The following R3HDM2 variants were observed in gnomAD, a reference collection of about 807,000 sequenced individuals.
The protein encoded by R3HDM2 is R3H domain containing 2, also known as R3H domain-containing protein 2.
In R3HDM2, 38 loss-of-function variants were observed where a neutral mutation model predicts 124.5. That is an observed-to-expected ratio of 0.31 (90% CI 0.24 to 0.40). The LOEUF (loss-of-function observed/expected upper bound fraction) is 0.40. Ranked by LOEUF, R3HDM2 falls within the 10% of genes least tolerant of loss-of-function variation. The probability of loss-of-function intolerance (pLI) is 1.00; values close to 1 mark genes in which losing one functional copy is unlikely to be tolerated. For synonymous variants in R3HDM2, 391 were observed against 448.0 expected (o/e 0.87, Z 1.61); for missense variants, 869 against 1,236.9 (o/e 0.70, Z 4.46).
intron 1 of R3HDM2, among the ~76,000 whole-genome samples, chr12:57,404,221 C>A (rs1412890978): frequency 4.6e-5 from 7 of 151,290 alleles, no homozygotes; most frequent in Non-Finnish European, 8.8e-5. Flanking sequence ...TGCGCCACAA[C>A]GCCCAGCTAA....
intron 1 of R3HDM2, among the ~76,000 whole-genome samples, chr12:57,424,346 G>A (rs2070504636): frequency 1.3e-5 from 2 of 151,882 alleles, no homozygotes; most frequent in Non-Finnish European, 2.9e-5. Context: ...ATTTTTAGCA[G>A]AGATGGGGTT....
chr12:57,402,027 G>C (rs992083469), intron 1 of R3HDM2, among the ~76,000 whole-genome samples: 13 of 151,556 alleles, frequency 8.6e-5, no homozygotes, highest in African/African-American at 3.2e-4. Flanking sequence ...AGACACAGTG[G>C]CTTACACCTG....
intron 2 of R3HDM2, among the ~76,000 whole-genome samples, chr12:57,392,307 T>C (rs975479981): frequency 3.9e-5 from 6 of 152,320 alleles, no homozygotes; most frequent in South Asian, 2.1e-4. Context: ...AAATTTTCCA[T>C]GGACAGTAAG....
At chr12:57,285,912 T>C (rs1208925695) in intron 12 of R3HDM2, among the ~76,000 whole-genome samples, 1 of 152,220 alleles carries the variant, frequency 6.6e-6, no homozygotes, top group Non-Finnish European at 1.5e-5. Flanking sequence ...ACTTCTATAC[T>C]AATCCAGTTT....
intron 2 of R3HDM2, among the ~76,000 whole-genome samples, chr12:57,359,720 C>T (rs935249414): frequency 1.3e-4 from 19 of 151,962 alleles, no homozygotes; most frequent in Admixed American, 5.3e-4. Context: ...TTAAATCGAC[C>T]ACACTTGTCC....
At chr12:57,404,310 C>T (rs1286347426) in intron 1 of R3HDM2, among the ~76,000 whole-genome samples, 1 of 150,502 alleles carries the variant, frequency 6.6e-6, no homozygotes, top group African/African-American at 2.4e-5. Context: ...GTGATCCACC[C>T]GCCTCAGCCT....
chr12:57,356,551 T>C lies in R3HDM2; in HGVS notation c.-36+39198A>G, dbSNP rs185980054. Among the ~76,000 whole-genome samples the C allele has an allele frequency of 5.9e-5, 9 of 152,346 alleles. No individual in the cohort carries two copies. In the East Asian group the frequency reaches 1.7e-3, roughly 29 times the overall value. On this transcript the variant is annotated intron_variant, in intron 2 of 23. Coordinates refer to ENST00000402412, the MANE Select transcript of R3HDM2 (RefSeq NM_001394031.1). ...CAAGAAAATTTGGTCTGTAGTTTTC[T>C]TATATCTTTATCTGGTTTTGGAATC...
At chr12:57,397,841 C>A (rs2067699952) in intron 1 of R3HDM2, among the ~76,000 whole-genome samples, 1 of 152,168 alleles carries the variant, frequency 6.6e-6, no homozygotes, top group African/African-American at 2.4e-5. Context: ...TCAAGAGCAA[C>A]ATAATTTTGA....
intron 2 of R3HDM2, among the ~76,000 whole-genome samples, chr12:57,355,897 T>C (rs1193899694): frequency 6.6e-6 from 1 of 152,222 alleles, no homozygotes; most frequent in African/African-American, 2.4e-5. Context: ...CCTGCTAGCA[T>C]ATAAACATAT....
intron 1 of R3HDM2, among the ~76,000 whole-genome samples, chr12:57,427,332 C>A: frequency 7.6e-6 from 1 of 132,050 alleles, no homozygotes. Context: ...ATAAATAAAA[C>A]AAAAATGCCT....
intron 2 of R3HDM2, among the ~76,000 whole-genome samples, chr12:57,361,365 A>G (rs375969649): frequency 7.5e-6 from 1 of 133,298 alleles, no homozygotes. Flanking sequence ...TCAAGAACGA[A>G]ACTCTGTCTC....
In R3HDM2 at chr12:57,296,262, C is replaced by T. The variant is rs2049858443; in HGVS notation, c.701+149G>A. On this transcript the variant is annotated intron_variant, in intron 9 of 23. Coordinates refer to ENST00000402412, the MANE Select transcript of R3HDM2 (RefSeq NM_001394031.1). This position sits in a 1 kb window ranked among gnomAD's most constrained non-coding sequence, Gnocchi z 4.5. ...CGAACTCCTGGCTTCAAGCAGTCTTCCCATCTTGGCCTCCCAAAGTGCTGG... is the reference window on the plus strand; with the variant it reads ...CGAACTCCTGGCTTCAAGCAGTCTTTCCATCTTGGCCTCCCAAAGTGCTGG... The T allele has an allele frequency of 3.6e-6, 3 of 831,790 alleles. No individual in the cohort carries two copies. The highest frequency in any genetic ancestry group is 5.6e-6 in the Non-Finnish European group (3 of 538,556). 51.5% of individuals were successfully genotyped at this position (831,790 alleles called of 1,614,324 possible). A position where few individuals can be genotyped will look rare whatever the true frequency, so the allele number is the denominator to read the frequency against.
chr12:57,268,528 A>G, intron 17 of R3HDM2, 71 bp from the exon 18 acceptor site: 2 of 1,496,976 alleles, frequency 1.3e-6, no homozygotes, highest in Non-Finnish European at 1.8e-6. Flanking sequence ...CAGCCTAGTC[A>G]TCACGAGATC....
intron 2 of R3HDM2, among the ~76,000 whole-genome samples, chr12:57,371,113 T>TTTTTTTTTAA (rs71084748): frequency 9.8e-6 from 1 of 101,850 alleles, no homozygotes; most frequent in African/African-American, 3.5e-5. Flanking sequence ...TTTTTTTTTT[T>TTTTTTTTTAA]AAGATACACA....
intron 2 of R3HDM2, among the ~76,000 whole-genome samples, chr12:57,336,893 T>C (rs2058922045): frequency 6.6e-6 from 1 of 152,082 alleles, no homozygotes; most frequent in African/African-American, 2.4e-5. Context: ...ATGTTTACAT[T>C]ACAAAATTGT....
chr12:57,313,401 T>C (rs948748838), intron 2 of R3HDM2, among the ~76,000 whole-genome samples: 1 of 151,292 alleles, frequency 6.6e-6, no homozygotes, highest in South Asian at 2.1e-4. Context: ...CTCTACAAAA[T>C]TTTTTTTAAA....
Position 57,269,821 on chromosome 12 carries a change from G to A in R3HDM2, c.1518C>T (p.Ser506=). The A allele has an allele frequency of 1.2e-6, 2 of 1,614,158 alleles. No homozygotes were observed. Among genetic ancestry groups the A allele is most frequent in the East Asian group, 2.2e-5 (1 of 44,886 alleles). Residue 506 remains serine, a synonymous_variant, in exon 15 of 24, where the codon TCC becomes TCT. Coordinates refer to ENST00000402412, the MANE Select transcript of R3HDM2 (RefSeq NM_001394031.1). The part of the protein sequence containing the change: ...TGQPLPTSNY[S]TSSHAPPTQQ... ...GAGTAGGTGGTGCATGGCTAGAGGTGGAATAGTTGGAAGTGGGGAGGGGCT... is the reference window on the plus strand; with the variant it reads ...GAGTAGGTGGTGCATGGCTAGAGGTAGAATAGTTGGAAGTGGGGAGGGGCT...
At chr12:57,424,531 T>A (rs2070529819) in intron 1 of R3HDM2, among the ~76,000 whole-genome samples, 1 of 152,202 alleles carries the variant, frequency 6.6e-6, no homozygotes. Flanking sequence ...CCTAGTCTTC[T>A]GTTATTAATC....
rs534414742 is a variant in R3HDM2 at position 57,268,842 on chromosome 12, A to C, written c.1875+80T>G. On this transcript the variant is annotated intron_variant, in intron 17 of 23. Transcript: ENST00000402412. The stretch of plus-strand genomic sequence containing the variant: ...ACACTATTTTAGTATTGGAGTTTTT[A>C]GTATGGATGACCCTGGGAGGCTCTC... 2.7e-6 allele frequency: 4 copies of C among 1,491,822 alleles called. No homozygotes were observed. In the African/African-American group the frequency reaches 4.2e-5, roughly 16 times the overall value. The allele number at this position is 1,491,822 out of a possible 1,614,324, so 92.4% of individuals were successfully genotyped here.
Sources: gnomAD v4.1 joint callset for allele counts (sites outside exome capture counted in the v4.1 genomes callset) on GRCh38, gnomAD v4.1.1 for gene constraint, Gnocchi (gnomAD v3.1) non-coding constraint, MANE v1.5 for transcripts, NCBI Gene and HGNC (gene_info 2026-07-23, HGNC 2026-07-21) for gene names.